ABT1: variants seen among roughly 807,000 people sequenced by gnomAD.
ABT1 encodes TATA-binding protein-binding protein.
Under a neutral mutation model 14.0 loss-of-function variants are expected in ABT1, and 13 were observed. The observed-to-expected ratio is 0.93, with a 90% CI of 0.61 to 1.48. The LOEUF is 1.48. Among genes scored for constraint, ABT1 ranks in the 40% most tolerant of loss-of-function variants. The pLI, the probability that ABT1 is intolerant of heterozygous loss-of-function variation, is 0.00. For missense variants in ABT1, 430 were observed against 380.0 expected (o/e 1.13, Z -1.09); for synonymous variants, 165 against 144.6 (o/e 1.14, Z -1.01).
Position 26,599,603 on chromosome 6 carries a change from A to G in ABT1, c.*958A>G, listed in dbSNP as rs1279407639. On this transcript the variant is annotated 3_prime_UTR_variant, in exon 3 of 3. Coordinates refer to ENST00000274849, the MANE Select transcript of ABT1 (RefSeq NM_013375.4). ...GAATAATAAGTCTGAAAGAGTGTGG[A>G]GTGCTCCCACAATTACAAAGAATGC... The G allele has an allele frequency of 6.6e-6, 1 of 152,040 alleles. No individual in the cohort carries two copies. Among genetic ancestry groups the G allele is most frequent in the Non-Finnish European group, 1.5e-5 (1 of 68,006 alleles). The allele number at this position is 152,040 out of a possible 1,614,324, so 9.4% of individuals were successfully genotyped here. A position where few individuals can be genotyped will look rare whatever the true frequency, so the allele number is the denominator to read the frequency against.
In ABT1 at chr6:26,598,431, C is replaced by G. The variant is rs782291202; in HGVS notation, c.605C>G (p.Pro202Arg). 2 of 1,614,244 alleles carry G rather than the reference C, an allele frequency of 1.2e-6. No homozygotes were observed. The highest frequency in any genetic ancestry group is 1.7e-6 in the Non-Finnish European group (2 of 1,180,042). Residue 202 changes from proline (P) to arginine (R), a missense_variant, in exon 3 of 3, where the codon CCT becomes CGT. By Grantham distance (103) the Pro-to-Arg change is moderately radical (BLOSUM62 -2). Transcript: ENST00000274849. ...CGCTTTCTTGCGGCCGATGGGGACC[C>G]TGCTCGCCCAGATGGCTCCTGGACA... is the stretch of plus-strand genomic sequence containing the variant. The part of the protein sequence containing the change: ...GQRFLAADGD[P>R]ARPDGSWTFA...
Position 26,600,066 on chromosome 6 carries a change from C to G in ABT1, c.*1421C>G, listed in dbSNP as rs137891839. On this transcript the variant is annotated 3_prime_UTR_variant, in exon 3 of 3. Transcript: ENST00000274849. ...ATACGGTAAAGCTGGTATAACATTT[C>G]TCACAACCCACATACCTCTTATACT... 122 of 152,356 alleles carry G rather than the reference C, an allele frequency of 8.0e-4. No homozygotes were observed. Among genetic ancestry groups the G allele is most frequent in the African/African-American group, 2.8e-3 (116 of 41,588 alleles). The allele number at this position is 152,356 out of a possible 1,614,324, so 9.4% of individuals were successfully genotyped here.
Position 26,600,607 on chromosome 6 carries a change from G to A in ABT1, c.*1962G>A, listed in dbSNP as rs1353088575. The A allele has an allele frequency of 1.3e-5, 2 of 152,152 alleles. No homozygotes were observed. Among genetic ancestry groups the A allele is most frequent in the Non-Finnish European group, 2.9e-5 (2 of 68,032 alleles). The allele number at this position is 152,152 out of a possible 1,614,324, so 9.4% of individuals were successfully genotyped here. ...CTTGACTTTAAGCCCATTGAGTGTA[G>A]GAAAATAATTTTTTACATCCACAAT... On this transcript the variant is annotated 3_prime_UTR_variant, in exon 3 of 3. Coordinates refer to ENST00000274849, the MANE Select transcript of ABT1 (RefSeq NM_013375.4).
Position 26,597,060 on chromosome 6 carries a change from G to A in ABT1, c.78G>A (p.Glu26=). 2 of 1,614,014 alleles carry A rather than the reference G, an allele frequency of 1.2e-6. No homozygotes were observed. The change falls in exon 1 of 3, where the codon GAG becomes GAA. Residue 26 remains glutamate, a synonymous_variant. Coordinates refer to ENST00000274849, the MANE Select transcript of ABT1 (RefSeq NM_013375.4). The part of the protein sequence containing the change: ...LEGTEQTLDA[E]EEQEESEEAA... The stretch of plus-strand genomic sequence containing the variant: ...GGACAGAACAGACACTAGATGCGGA[G>A]GAGGAGCAGGAGGAATCCGAAGAAG...
At position 26,598,509 on chromosome 6, in the gene ABT1, C is replaced by T. The variant is rs1561910420; in HGVS notation, c.683C>T (p.Pro228Leu). ...QELRARKAAR[P>L]GGRERARLAT... is the part of the protein sequence containing the mutation. The stretch of plus-strand genomic sequence containing the variant: ...CTGAGGGCCCGTAAAGCAGCACGGC[C>T]AGGGGGACGTGAACGGGCTCGCCTG... The change falls in exon 3 of 3, where the codon CCA becomes CTA. Residue 228 changes from proline (P) to leucine (L), a missense_variant. Coordinates refer to ENST00000274849, the MANE Select transcript of ABT1 (RefSeq NM_013375.4). 3 of 1,613,958 alleles carry T rather than the reference C, an allele frequency of 1.9e-6. No individual in the cohort carries two copies. The East Asian group carries it at 6.7e-5, about 36-fold the overall frequency.
In ABT1 at chr6:26,599,211, T is replaced by G. The variant is rs1764945393; in HGVS notation, c.*566T>G. 1 of 152,198 alleles carries G rather than the reference T, an allele frequency of 6.6e-6. No individual in the cohort carries two copies. Among genetic ancestry groups the G allele is most frequent in the Non-Finnish European group, 1.5e-5 (1 of 68,056 alleles). The allele number at this position is 152,198 out of a possible 1,614,324, so 9.4% of individuals were successfully genotyped here. ...CTTTCATCTTGTGTTCCCTTCACCT[T>G]CATATCCTGATCTTAGAGCCCCCCT... On this transcript the variant is annotated 3_prime_UTR_variant, in exon 3 of 3. Coordinates refer to ENST00000274849, the MANE Select transcript of ABT1 (RefSeq NM_013375.4).
At position 26,598,527 on chromosome 6, in the gene ABT1, C is replaced by G; in HGVS notation, c.701C>G (p.Ala234Gly). Residue 234 changes from alanine (A) to glycine (G), a missense_variant, in exon 3 of 3, where the codon GCT (alanine) becomes GGT (glycine). By Grantham distance (60) the Ala-to-Gly change is moderately conservative (BLOSUM62 0). Coordinates refer to ENST00000274849, the MANE Select transcript of ABT1 (RefSeq NM_013375.4). ...KAARPGGRER[A>G]RLATAQDKAR... is the part of the protein sequence containing the mutation. ...GCACGGCCAGGGGGACGTGAACGGG[C>G]TCGCCTGGCAACTGCCCAGGACAAG... is the stretch of plus-strand genomic sequence containing the variant. The G allele has an allele frequency of 6.2e-7, 1 of 1,613,764 alleles. No individual in the cohort carries two copies. The highest frequency in any genetic ancestry group is 8.5e-7 in the Non-Finnish European group (1 of 1,179,834).
intron 1 of ABT1, 70 bp downstream of exon 1, chr6:26,597,293 C>G: frequency 6.4e-7 from 1 of 1,568,576 alleles, no homozygotes. Context: ...GCATGCATGT[C>G]CTGTTGCTTC....
chr6:26,598,412 C>A lies in ABT1; in HGVS notation c.586C>A (p.Leu196Ile), dbSNP rs782468756. 7.4e-6 allele frequency: 12 copies of A among 1,614,140 alleles called. No homozygotes were observed. The highest frequency in any genetic ancestry group is 1.0e-5 in the Non-Finnish European group (12 of 1,180,058). Reference protein sequence around the residue: ...LQSVERGQRFLAADGDPARPD... With the variant: ...LQSVERGQRFIAADGDPARPD... ...AAGTGTGGAACGGGGACAACGCTTT[C>A]TTGCGGCCGATGGGGACCCTGCTCG... is the stretch of plus-strand genomic sequence containing the variant. Residue 196 changes from leucine (L) to isoleucine (I), a missense_variant, in exon 3 of 3, where the codon CTT becomes ATT. Leu to Ile is a conservative substitution (Grantham distance 5, BLOSUM62 2). Coordinates refer to ENST00000274849, the MANE Select transcript of ABT1 (RefSeq NM_013375.4).
rs1764954878 is a variant in ABT1, at chr6:26,599,942, T to G, written c.*1297T>G. On this transcript the variant is annotated 3_prime_UTR_variant, in exon 3 of 3. Coordinates refer to ENST00000274849, the MANE Select transcript of ABT1 (RefSeq NM_013375.4). ...CATCTGTCAATGTGATGATCTGTGT[T>G]TTATAGGGTAGAGTGGATTTGTCTA... is the stretch of plus-strand genomic sequence containing the variant. The G allele has an allele frequency of 6.6e-6, 1 of 152,202 alleles. No individual in the cohort carries two copies. The highest frequency in any genetic ancestry group is 1.5e-5 in the Non-Finnish European group (1 of 68,042). 9.4% of individuals were successfully genotyped at this position (152,202 alleles called of 1,614,324 possible).
Position 26,597,081 on chromosome 6 carries a change from A to C in ABT1, c.99A>C (p.Glu33Asp). 1 of 1,614,080 alleles carries C rather than the reference A, an allele frequency of 6.2e-7. No individual in the cohort carries two copies. Among genetic ancestry groups the C allele is most frequent in the Non-Finnish European group, 8.5e-7 (1 of 1,180,014 alleles). Residue 33 changes from glutamate (E) to aspartate (D), a missense_variant, in exon 1 of 3, where the codon GAA (glutamate) becomes GAC (aspartate). Physicochemically the swap from Glu to Asp is conservative, Grantham distance 45 (BLOSUM62 2). Coordinates refer to ENST00000274849, the MANE Select transcript of ABT1 (RefSeq NM_013375.4). ...CGGAGGAGGAGCAGGAGGAATCCGA[A>C]GAAGCGGCCTGTGGCAGCAAGAAAC... ...LDAEEEQEES[E>D]EAACGSKKRV... is the part of the protein sequence containing the mutation.
chr6:26,597,064 G>C lies in ABT1; in HGVS notation c.82G>C (p.Glu28Gln). The C allele has an allele frequency of 6.2e-7, 1 of 1,613,984 alleles. No homozygotes were observed. The highest frequency in any genetic ancestry group is 8.5e-7 in the Non-Finnish European group (1 of 1,180,032). Reference protein sequence around the residue: ...GTEQTLDAEEEQEESEEAACG... With the variant: ...GTEQTLDAEEQQEESEEAACG... Reference sequence around the variant, plus strand: ...AGAACAGACACTAGATGCGGAGGAGGAGCAGGAGGAATCCGAAGAAGCGGC... The same window carrying C: ...AGAACAGACACTAGATGCGGAGGAGCAGCAGGAGGAATCCGAAGAAGCGGC... The change falls in exon 1 of 3, where the codon GAG (glutamate) becomes CAG (glutamine). Residue 28 changes from glutamate to glutamine, a missense_variant. Coordinates refer to ENST00000274849, the MANE Select transcript of ABT1 (RefSeq NM_013375.4).
Position 26,597,193 on chromosome 6 carries a change from G to A in ABT1, c.211G>A (p.Glu71Lys), listed in dbSNP as rs1022859057. The A allele has an allele frequency of 1.2e-6, 2 of 1,614,236 alleles. No individual in the cohort carries two copies. The highest frequency in any genetic ancestry group is 1.7e-5 in the Admixed American group (1 of 60,036). ...CCGCAACCTTCTCAGCGCCTATGGC[G>A]AGGTCGGACGCGTCTTCTTTCAGGC... ...HVRNLLSAYG[E>K]VGRVFFQAED... The change falls in exon 1 of 3, where the codon GAG becomes AAG. Residue 71 changes from glutamate to lysine, a missense_variant. Physicochemically the swap from Glu to Lys is moderately conservative, Grantham distance 56. Coordinates refer to ENST00000274849, the MANE Select transcript of ABT1 (RefSeq NM_013375.4).
rs888387964 is a variant in ABT1 at position 26,597,115 on chromosome 6, C to T, written c.133C>T (p.Pro45Ser). 6.2e-7 allele frequency: 1 copy of T among 1,614,090 alleles called. No homozygotes were observed. The highest frequency in any genetic ancestry group is 8.5e-7 in the Non-Finnish European group (1 of 1,179,984). Reference sequence around the variant, plus strand: ...CTGTGGCAGCAAGAAACGGGTAGTGCCAGGTATTGTGTACCTGGGCCATAT... The same window carrying T: ...CTGTGGCAGCAAGAAACGGGTAGTGTCAGGTATTGTGTACCTGGGCCATAT... ...AACGSKKRVV[P>S]GIVYLGHIPP... The change falls in exon 1 of 3, where the codon CCA (proline) becomes TCA (serine). Residue 45 changes from proline (P) to serine (S), a missense_variant. By Grantham distance (74) the Pro-to-Ser change is moderately conservative. Transcript: ENST00000274849.
intron 1 of ABT1, 34 bp from the exon 2 acceptor site, chr6:26,597,880 G>T: frequency 6.3e-7 from 1 of 1,576,804 alleles, no homozygotes; most frequent in African/African-American, 1.4e-5. Flanking sequence ...TGCTGCATAG[G>T]CGTCCTGGAC....
At chr6:26,597,818 C>G (rs1764921795) in intron 1 of ABT1, 96 bp from the exon 2 acceptor site, 1 of 1,289,048 alleles carries the variant, frequency 7.8e-7, no homozygotes, top group South Asian at 1.5e-5. Flanking sequence ...GTGGGACTCC[C>G]ACTGGCAGAT....
Position 26,597,028 on chromosome 6 carries a change from C to A in ABT1, c.46C>A (p.Leu16Met). The A allele has an allele frequency of 1.2e-6, 2 of 1,613,618 alleles. No individual in the cohort carries two copies. The highest frequency in any genetic ancestry group is 2.7e-5 in the African/African-American group (2 of 75,032). Residue 16 changes from leucine to methionine, a missense_variant, in exon 1 of 3, where the codon CTG (leucine) becomes ATG (methionine). Leu to Met is a conservative substitution (Grantham distance 15). Coordinates refer to ENST00000274849, the MANE Select transcript of ABT1 (RefSeq NM_013375.4). ...GAAGGCCGCAACGGAGCAAGAGCCG[C>A]TGGAAGGGACAGAACAGACACTAGA... ...SEKAATEQEP[L>M]EGTEQTLDAE...
Position 26,598,803 on chromosome 6 carries a change from C to A in ABT1, c.*158C>A. 2 of 947,252 alleles carry A rather than the reference C, an allele frequency of 2.1e-6. No homozygotes were observed. Among genetic ancestry groups the A allele is most frequent in the Non-Finnish European group, 3.0e-6 (2 of 667,808 alleles). The allele number at this position is 947,252 out of a possible 1,614,324, so 58.7% of individuals were successfully genotyped here. On this transcript the variant is annotated 3_prime_UTR_variant, in exon 3 of 3. Transcript: ENST00000274849. Reference sequence around the variant, plus strand: ...TGGAGTTTTGTGGGCTTCCACTGTCCCCACTCCGAACTCCTGTATGTGCCT... The same window carrying A: ...TGGAGTTTTGTGGGCTTCCACTGTCACCACTCCGAACTCCTGTATGTGCCT...
At position 26,597,092 on chromosome 6, in the gene ABT1, G is replaced by C. The variant is rs1554144549; in HGVS notation, c.110G>C (p.Cys37Ser). 1.9e-6 allele frequency: 3 copies of C among 1,613,992 alleles called. No homozygotes were observed. The highest frequency in any genetic ancestry group is 2.2e-5 in the East Asian group (1 of 44,896). Reference sequence around the variant, plus strand: ...CAGGAGGAATCCGAAGAAGCGGCCTGTGGCAGCAAGAAACGGGTAGTGCCA... The same window carrying C: ...CAGGAGGAATCCGAAGAAGCGGCCTCTGGCAGCAAGAAACGGGTAGTGCCA... The part of the protein sequence containing the change: ...EEQEESEEAA[C>S]GSKKRVVPGI... Residue 37 changes from cysteine (C) to serine (S), a missense_variant, in exon 1 of 3, where the codon TGT becomes TCT. By Grantham distance (112) the Cys-to-Ser change is moderately radical. Coordinates refer to ENST00000274849, the MANE Select transcript of ABT1 (RefSeq NM_013375.4).
Sources: allele counts gnomAD v4.1 joint callset, GRCh38; gene constraint gnomAD v4.1.1; transcripts MANE v1.5; gene names NCBI Gene and HGNC (gene_info 2026-07-23, HGNC 2026-07-21).